BORCS8: variants seen among roughly 807,000 people sequenced by gnomAD.
BORCS8 encodes BLOC-1 related complex subunit 8, also known as BLOC-1-related complex subunit 8.
BORCS8 carries 13 observed loss-of-function variants against 18.7 expected under a neutral mutation model. That is an observed-to-expected ratio of 0.70 (90% CI 0.45 to 1.11). The LOEUF (loss-of-function observed/expected upper bound fraction) is 1.11. BORCS8 is among the 50% of genes least tolerant of loss of function. The pLI, the probability that BORCS8 is intolerant of heterozygous loss-of-function variation, is 0.00. For missense variants in BORCS8, 165 were observed against 165.7 expected, an observed-to-expected ratio of 1.00 and a Z score of 0.02; for synonymous variants, 68 against 64.8, an observed-to-expected ratio of 1.05 and a Z score of -0.24.
In BORCS8 at chr19:19,186,947, C is replaced by T; in HGVS notation, c.96G>A (p.Leu32=). 6.4e-7 allele frequency: 1 copy of T among 1,551,328 alleles called. No individual in the cohort carries two copies. The highest frequency in any genetic ancestry group is 8.7e-7 in the Non-Finnish European group (1 of 1,146,908). The part of the protein sequence containing the change: ...YVLANEPSVA[L]YRLQEHVRRS... The stretch of plus-strand genomic sequence containing the variant: ...GACGCACATGCTCCTGCAGCCGGTA[C>T]AGGGCCACGGATGGCTCGTTGGCCA... The change falls in exon 2 of 6, where the codon CTG becomes CTA. Residue 32 remains leucine, a synonymous_variant. Transcript: ENST00000462790.
At chr19:19,191,936 GT>G (rs1410522594) in intron 1 of BORCS8, 144 bp downstream of exon 1, 1 of 958,796 alleles carries the variant, frequency 1.0e-6, no homozygotes, top group African/African-American at 1.6e-5. Context: ...CTTTCTACAG[GT>G]TTCAAAACTA....
At chr19:19,191,378 G>C (rs1463375003) in intron 1 of BORCS8, among the ~76,000 whole-genome samples, 1 of 151,422 alleles carries the variant, frequency 6.6e-6, no homozygotes, top group African/African-American at 2.4e-5. Flanking sequence ...TGTAGTCCCA[G>C]CTACTGGAGA....
intron 1 of BORCS8, among the ~76,000 whole-genome samples, chr19:19,191,053 T>C (rs2060466848): frequency 6.6e-6 from 1 of 152,134 alleles, no homozygotes; most frequent in Admixed American, 6.6e-5. Flanking sequence ...TCTAGGGTGA[T>C]TTAAAGTATA....
rs549502993 is a variant in BORCS8 at position 19,185,411 on chromosome 19, C to T, written c.215+623G>A. ...GTAACAAAAAGAAACACCGGCCAGGCGTGGTGGCTCGCATCTGTAATCTGA... is the reference window on the plus strand; with the variant it reads ...GTAACAAAAAGAAACACCGGCCAGGTGTGGTGGCTCGCATCTGTAATCTGA... On this transcript the variant is annotated intron_variant, in intron 3 of 5. Transcript: ENST00000462790. 5.9e-5 allele frequency among the ~76,000 whole-genome samples: 9 copies of T among 152,266 alleles called. No homozygotes were observed. In the East Asian group the frequency reaches 1.4e-3, roughly 23 times the overall value.
intron 1 of BORCS8, among the ~76,000 whole-genome samples, chr19:19,187,868 G>T (rs547873796): frequency 2.7e-5 from 4 of 147,934 alleles, no homozygotes; most frequent in Middle Eastern, 3.8e-3. Flanking sequence ...TAGAGACAGG[G>T]TCTCGCTCTG....
Position 19,180,670 on chromosome 19 carries a change from T to C in BORCS8, c.*42+16A>G, listed in dbSNP as rs757646675. 2.7e-5 allele frequency: 41 copies of C among 1,510,640 alleles called. No individual in the cohort carries two copies. In the South Asian group the frequency reaches 4.2e-4, roughly 15 times the overall value. The allele number at this position is 1,510,640 out of a possible 1,614,324, so 93.6% of individuals were successfully genotyped here. Reference sequence around the variant, plus strand: ...CAGAGCAGAGAGAGAGGCTCGTGGCTACCCTCGGCACTGACCTGGGTTGGC... The same window carrying C: ...CAGAGCAGAGAGAGAGGCTCGTGGCCACCCTCGGCACTGACCTGGGTTGGC... On this transcript the variant is annotated intron_variant, in intron 5 of 5. Transcript: ENST00000462790.
chr19:19,187,151 G>A lies in BORCS8; in HGVS notation c.38-146C>T, dbSNP rs889634148. 3 of 613,092 alleles carry A rather than the reference G, an allele frequency of 4.9e-6. No individual in the cohort carries two copies. The African/African-American group carries it at 5.6e-5, about 11-fold the overall frequency. The allele number at this position is 613,092 out of a possible 1,614,324, so 38.0% of individuals were successfully genotyped here. A position where few individuals can be genotyped will look rare whatever the true frequency, so the allele number is the denominator to read the frequency against. On this transcript the variant is annotated intron_variant, in intron 1 of 5. Coordinates refer to ENST00000462790, the MANE Select transcript of BORCS8 (RefSeq NM_001145784.2). The stretch of plus-strand genomic sequence containing the variant: ...GTCACTCCTGGCCCATGACAGGCTG[G>A]AGGAAGTGGTCACAGCAGGGCTCAC...
chr19:19,180,856 T>C (rs1047075287), intron 4 of BORCS8, 95 bp from the exon 5 acceptor site: 6 of 1,302,832 alleles, frequency 4.6e-6, no homozygotes, highest in Non-Finnish European at 6.3e-6. Flanking sequence ...GATACTCTGG[T>C]CTCAAAGACC....
intron 5 of BORCS8, chr19:19,179,156 T>C: frequency 6.6e-6 from 1 of 152,626 alleles, no homozygotes; most frequent in Non-Finnish European, 1.5e-5. Flanking sequence ...AGGCACAAAG[T>C]AGGAGGGACC....
At chr19:19,189,701 A>G (rs1380556626) in intron 1 of BORCS8, among the ~76,000 whole-genome samples, 1 of 152,254 alleles carries the variant, frequency 6.6e-6, no homozygotes, top group Middle Eastern at 3.4e-3. Flanking sequence ...GGATGGATTC[A>G]GCCTAGGAGT....
chr19:19,189,051 T>C (rs954321244), intron 1 of BORCS8, among the ~76,000 whole-genome samples: 1 of 152,094 alleles, frequency 6.6e-6, no homozygotes, highest in African/African-American at 2.4e-5. Context: ...GCCAGGCTGG[T>C]CTCGAACTCC....
intron 3 of BORCS8, among the ~76,000 whole-genome samples, chr19:19,183,694 C>T (rs890398229): frequency 3.0e-4 from 46 of 151,162 alleles, no homozygotes; most frequent in Admixed American, 1.9e-3. Context: ...AAGCAATTCT[C>T]CTGCCTCAGC....
At chr19:19,180,627 C>T (rs1211320170) in intron 5 of BORCS8, 59 bp downstream of exon 5, 30 of 1,197,436 alleles carry the variant, frequency 2.5e-5, no homozygotes, top group African/African-American at 6.0e-5. Flanking sequence ...GGCTGCCAAG[C>T]GGGCGGGTTG....
In BORCS8 at chr19:19,182,898, T is replaced by C. The variant is rs1037073985; in HGVS notation, c.216-215A>G. 6.6e-6 allele frequency among the ~76,000 whole-genome samples: 1 copy of C among 151,936 alleles called. No homozygotes were observed. The highest frequency in any genetic ancestry group is 1.5e-5 in the Non-Finnish European group (1 of 67,916). ...CATTCTCTGCCACTGAAACATCTAA[T>C]GTTTTGAAGGAGGGATCAGTGTATA... is the stretch of plus-strand genomic sequence containing the variant. On this transcript the variant is annotated intron_variant, in intron 3 of 5. Coordinates refer to ENST00000462790, the MANE Select transcript of BORCS8 (RefSeq NM_001145784.2). This position sits in a 1 kb window ranked among gnomAD's most constrained non-coding sequence, Gnocchi z 4.1.
chr19:19,185,996 A>T (rs1313612470), intron 3 of BORCS8, 38 bp downstream of exon 3: 2 of 1,544,466 alleles, frequency 1.3e-6, no homozygotes, highest in South Asian at 2.4e-5. Context: ...CCAGAGCAGC[A>T]AAAGGTGGCC....
chr19:19,188,497 G>A (rs1002849446), intron 1 of BORCS8, among the ~76,000 whole-genome samples: 4 of 152,006 alleles, frequency 2.6e-5, no homozygotes, highest in Non-Finnish European at 5.9e-5. Flanking sequence ...CAAACCCACC[G>A]GTAGTGGACA....
At chr19:19,177,673 GAAGGAAGGAAGGAAGGAAGGAAGAGA>G (rs2060303737) in intron 5 of BORCS8, 2 of 89,686 alleles carry the variant, frequency 2.2e-5, no homozygotes, top group African/African-American at 4.9e-5. Context: ...AGGAAGGAAG[GAAGGAAGGAAGGAAGGAAGGAAGAGA>G]AAAGAAAAGA....
At chr19:19,188,266 T>C (rs1325019895) in intron 1 of BORCS8, among the ~76,000 whole-genome samples, 1 of 151,674 alleles carries the variant, frequency 6.6e-6, no homozygotes, top group Non-Finnish European at 1.5e-5. Context: ...CCTGACCTCG[T>C]GATCCGCCTG....
rs2060358412 is a variant in BORCS8 at position 19,182,466 on chromosome 19, GAA to G, written c.326+105_326+106del. The G allele has an allele frequency of 1.4e-6, 2 of 1,463,860 alleles. No individual in the cohort carries two copies. Among genetic ancestry groups the G allele is most frequent in the African/African-American group, 2.8e-5 (2 of 70,652 alleles). The allele number at this position is 1,463,860 out of a possible 1,614,324, so 90.7% of individuals were successfully genotyped here. A position where few individuals can be genotyped will look rare whatever the true frequency, so the allele number is the denominator to read the frequency against. On this transcript the variant is annotated intron_variant, in intron 4 of 5. Transcript: ENST00000462790. The surrounding 1 kb of genome is among the most constrained non-coding windows in gnomAD (Gnocchi z 4.1). ...AGGTCACCAGACACCAGGACAAAAG[GAA>G]AGAGACAGTTTTCTAATAAGCGAGA...
Sources: gnomAD v4.1 joint callset for allele counts (sites outside exome capture counted in the v4.1 genomes callset) on GRCh38, gnomAD v4.1.1 for gene constraint, Gnocchi (gnomAD v3.1) non-coding constraint, MANE v1.5 for transcripts, NCBI Gene and HGNC (gene_info 2026-07-23, HGNC 2026-07-21) for gene names.